EEFSEC: variants seen among roughly 807,000 people sequenced by gnomAD.
The protein encoded by EEFSEC is eukaryotic elongation factor, selenocysteine-tRNA specific, also known as selenocysteine-specific elongation factor.
EEFSEC carries 43 observed loss-of-function variants against 42.1 expected under a neutral mutation model. The observed-to-expected ratio is 1.02, with a 90% CI of 0.80 to 1.32. The LOEUF is 1.32. Among genes scored for constraint, EEFSEC ranks in the 40% most tolerant of loss-of-function variants. The probability of loss-of-function intolerance (pLI) is 0.00; values close to 1 mark genes in which losing one functional copy is unlikely to be tolerated. For missense variants in EEFSEC, 745 were observed against 803.6 expected, an observed-to-expected ratio of 0.93 and a Z score of 0.88; for synonymous variants, 354 against 339.1, an observed-to-expected ratio of 1.04 and a Z score of -0.48.
chr3:128,159,811 C>T (rs1432885523), intron 1 of EEFSEC, among the ~76,000 whole-genome samples: 1 of 152,224 alleles, frequency 6.6e-6, no homozygotes, highest in Non-Finnish European at 1.5e-5. Context: ...CCCCACCTAT[C>T]TAAAGTTGTC....
intron 4 of EEFSEC, among the ~76,000 whole-genome samples, chr3:128,330,030 G>C (rs557613007): frequency 1.3e-5 from 2 of 152,316 alleles, no homozygotes; most frequent in Non-Finnish European, 2.9e-5. Flanking sequence ...ACCTCCCAAG[G>C]ATTCCTTACC....
chr3:128,153,890 A>G, intron 1 of EEFSEC, 67 bp downstream of exon 1: 2 of 1,434,816 alleles, frequency 1.4e-6, no homozygotes, highest in Non-Finnish European at 1.8e-6. Context: ...CCCGTGTCCG[A>G]ATTCGCTCGA....
chr3:128,234,897 T>G (rs1445790967), intron 1 of EEFSEC, among the ~76,000 whole-genome samples: 1 of 152,222 alleles, frequency 6.6e-6, no homozygotes, highest in East Asian at 1.9e-4. Flanking sequence ...GCTCTTATAC[T>G]TCTCTTAACA....
At chr3:128,410,103 G>C (rs1056658866), downstream of EEFSEC, among the ~76,000 whole-genome samples, 4 of 152,168 alleles carry the variant, frequency 2.6e-5, no homozygotes, top group Admixed American at 2.0e-4. Context: ...CTGAGCACTT[G>C]CCAGTGCTGT....
intron 6 of EEFSEC, among the ~76,000 whole-genome samples, chr3:128,383,703 G>A (rs1264617330): frequency 2.0e-5 from 3 of 152,256 alleles, no homozygotes; most frequent in East Asian, 1.9e-4. Context: ...TCCTGGCCTC[G>A]TGCCAGGCCC....
intron 5 of EEFSEC, among the ~76,000 whole-genome samples, chr3:128,345,026 A>G (rs2067296484): frequency 6.6e-6 from 1 of 152,222 alleles, no homozygotes; most frequent in African/African-American, 2.4e-5. Flanking sequence ...CCAGGGGCTC[A>G]GCCATCCGAC....
chr3:128,317,542 C>T lies in EEFSEC; in HGVS notation c.787-23691C>T, dbSNP rs1002781184. ...TTGCTCTGTGCCCAGAGTCTTTTTC[C>T]CCATCAGTCCTCTTTCCACCCGGGC... On this transcript the variant is annotated intron_variant, in intron 4 of 6. Transcript: ENST00000254730. This position sits in a 1 kb window ranked among gnomAD's most constrained non-coding sequence, Gnocchi z 4.1. Among the ~76,000 whole-genome samples the T allele has an allele frequency of 6.6e-6, 1 of 152,190 alleles. No individual in the cohort carries two copies. The highest frequency in any genetic ancestry group is 2.4e-5 in the African/African-American group (1 of 41,452).
chr3:128,220,070 C>T (rs561334374), intron 1 of EEFSEC, among the ~76,000 whole-genome samples: 2 of 152,276 alleles, frequency 1.3e-5, no homozygotes, highest in South Asian at 2.1e-4. Flanking sequence ...CATGTGGTAG[C>T]ACTACAAATC....
intron 1 of EEFSEC, among the ~76,000 whole-genome samples, chr3:128,197,911 A>G (rs2065602610): frequency 6.6e-6 from 1 of 152,156 alleles, no homozygotes; most frequent in South Asian, 2.1e-4. Context: ...CAATGGACAC[A>G]TTCAGACCCG....
chr3:128,395,456 G>C (rs2067969923), intron 6 of EEFSEC, among the ~76,000 whole-genome samples: 1 of 152,226 alleles, frequency 6.6e-6, no homozygotes, highest in East Asian at 1.9e-4. Flanking sequence ...GGGTGTGACT[G>C]TCTGTGGCTC....
At chr3:128,316,943 C>G (rs910069824) in intron 4 of EEFSEC, among the ~76,000 whole-genome samples, 1 of 152,192 alleles carries the variant, frequency 6.6e-6, no homozygotes, top group African/African-American at 2.4e-5. Flanking sequence ...ATATATGGCA[C>G]CACTATTTCA....
chr3:128,323,993 G>C (rs1395437481), intron 4 of EEFSEC, among the ~76,000 whole-genome samples: 4 of 152,188 alleles, frequency 2.6e-5, no homozygotes, highest in Non-Finnish European at 4.4e-5. Flanking sequence ...AGGGGCGGTG[G>C]GCTCCCCACT....
At chr3:128,397,336 G>A (rs952857628) in intron 6 of EEFSEC, among the ~76,000 whole-genome samples, 25 of 152,214 alleles carry the variant, frequency 1.6e-4, no homozygotes, top group African/African-American at 4.6e-4. Context: ...GATGGGAATC[G>A]CTGCTCCCTG....
intron 1 of EEFSEC, among the ~76,000 whole-genome samples, chr3:128,245,931 T>C (rs989967342): frequency 1.3e-5 from 2 of 152,196 alleles, no homozygotes; most frequent in African/African-American, 4.8e-5. Flanking sequence ...GCATTGCCAA[T>C]GACCATAATC....
intron 1 of EEFSEC, among the ~76,000 whole-genome samples, chr3:128,223,751 A>G (rs1156309294): frequency 6.6e-6 from 1 of 152,212 alleles, no homozygotes; most frequent in Non-Finnish European, 1.5e-5. Flanking sequence ...CATAAAAAGC[A>G]GTCATAGGAT....
intron 5 of EEFSEC, 121 bp downstream of exon 5, chr3:128,342,010 CTG>C: frequency 7.6e-7 from 1 of 1,319,086 alleles, no homozygotes; most frequent in Non-Finnish European, 1.0e-6. Flanking sequence ...GTGCCAACCT[CTG>C]TAGTTTCTGT....
At chr3:128,193,981 T>C (rs1162451912) in intron 1 of EEFSEC, among the ~76,000 whole-genome samples, 4 of 129,020 alleles carry the variant, frequency 3.1e-5, no homozygotes, top group African/African-American at 1.4e-4. Context: ...TCTTGGGGGA[T>C]AGAGGGAAGA....
chr3:128,170,515 T>C (rs1446707424), intron 1 of EEFSEC, among the ~76,000 whole-genome samples: 2 of 151,584 alleles, frequency 1.3e-5, no homozygotes, highest in African/African-American at 4.8e-5. Context: ...AAAAAAAAGC[T>C]TTCTTGGGAT....
intron 4 of EEFSEC, among the ~76,000 whole-genome samples, chr3:128,286,015 G>T (rs1206474770): frequency 6.6e-6 from 1 of 152,244 alleles, no homozygotes; most frequent in Non-Finnish European, 1.5e-5. Flanking sequence ...TTGTAGTCAT[G>T]CATGTGTGTA....
Sources: gnomAD v4.1 joint callset for allele counts (sites outside exome capture counted in the v4.1 genomes callset) on GRCh38, gnomAD v4.1.1 for gene constraint, Gnocchi (gnomAD v3.1) non-coding constraint, MANE v1.5 for transcripts, NCBI Gene and HGNC (gene_info 2026-07-23, HGNC 2026-07-21) for gene names.